TMEM200A: variants seen among roughly 807,000 people sequenced by gnomAD.
TMEM200A encodes the protein two transmembrane C.
Under a neutral mutation model 24.3 loss-of-function variants are expected in TMEM200A, and 12 were observed. The observed-to-expected ratio is 0.49, with a 90% CI of 0.32 to 0.80. The LOEUF is 0.80. Among genes scored for constraint, TMEM200A ranks in the 30% least tolerant of loss-of-function variants. The pLI is 0.04. For missense variants in TMEM200A, 545 were observed against 614.4 expected, an observed-to-expected ratio of 0.89 and a Z score of 1.19; for synonymous variants, 224 against 224.4, an observed-to-expected ratio of 1.00 and a Z score of 0.02.
At chr6:130,412,438 G>C (rs895049021) in intron 2 of TMEM200A, among the ~76,000 whole-genome samples, 2 of 152,056 alleles carry the variant, frequency 1.3e-5, no homozygotes, top group Non-Finnish European at 2.9e-5. Flanking sequence ...CCCACAGGGA[G>C]TCCCATCTCA....
chr6:130,421,767 G>A (rs1223763781), intron 2 of TMEM200A, among the ~76,000 whole-genome samples: 1 of 151,972 alleles, frequency 6.6e-6, no homozygotes, highest in Non-Finnish European at 1.5e-5. Flanking sequence ...TAGATTCCAT[G>A]TAAGTGAGAT....
At chr6:130,389,205 A>G (rs1778779769) in intron 2 of TMEM200A, among the ~76,000 whole-genome samples, 1 of 152,212 alleles carries the variant, frequency 6.6e-6, no homozygotes, top group African/African-American at 2.4e-5. Flanking sequence ...TTTAGTATTG[A>G]TAAAAATACT....
At chr6:130,388,952 T>C (rs929104576) in intron 2 of TMEM200A, among the ~76,000 whole-genome samples, 6 of 152,134 alleles carry the variant, frequency 3.9e-5, no homozygotes, top group African/African-American at 1.4e-4. Context: ...TTTTGAACAA[T>C]GATTTCTTGA....
intron 2 of TMEM200A, among the ~76,000 whole-genome samples, chr6:130,391,781 C>T (rs1398605045): frequency 9.6e-5 from 12 of 125,390 alleles, no homozygotes; most frequent in Non-Finnish European, 1.7e-4. Flanking sequence ...CTCGCTCTGT[C>T]GCCCAGGCTA....
At chr6:130,367,259 C>T (rs375037224) in intron 1 of TMEM200A, among the ~76,000 whole-genome samples, 20 of 152,302 alleles carry the variant, frequency 1.3e-4, no homozygotes, top group African/African-American at 3.8e-4. Flanking sequence ...GTCCGGTCCA[C>T]CTTAGTCTGG....
intron 2 of TMEM200A, chr6:130,438,828 G>T (rs1780085427): frequency 6.6e-6 from 1 of 152,236 alleles, no homozygotes; most frequent in Non-Finnish European, 1.5e-5. Flanking sequence ...ATAAAATGCT[G>T]TAAGGAGTTA....
At chr6:130,403,778 A>G (rs1376643695) in intron 2 of TMEM200A, among the ~76,000 whole-genome samples, 1 of 152,062 alleles carries the variant, frequency 6.6e-6, no homozygotes, top group Non-Finnish European at 1.5e-5. Flanking sequence ...CCCAGGTATT[A>G]AGTCTAGTAC....
At chr6:130,398,959 G>T (rs1440466322) in intron 2 of TMEM200A, among the ~76,000 whole-genome samples, 1 of 151,890 alleles carries the variant, frequency 6.6e-6, no homozygotes, top group South Asian at 2.1e-4. Context: ...TTATTTCATA[G>T]TAGTTATTTC....
chr6:130,398,069 A>G (rs569674616), intron 2 of TMEM200A, among the ~76,000 whole-genome samples: 89 of 152,048 alleles, frequency 5.9e-4, no homozygotes, highest in Non-Finnish European at 1.1e-3. Flanking sequence ...TGATTCTATC[A>G]CCCAGGTAGT....
intron 2 of TMEM200A, among the ~76,000 whole-genome samples, chr6:130,425,109 G>A (rs1373608265): frequency 6.6e-6 from 1 of 151,966 alleles, no homozygotes; most frequent in Non-Finnish European, 1.5e-5. Flanking sequence ...CTGCTTCTAG[G>A]CCCTCAGCCC....
Position 130,428,018 on chromosome 6 carries a change from G to A in TMEM200A, c.-16-12389G>A, listed in dbSNP as rs953853564. Among the ~76,000 whole-genome samples, 7 of 152,234 alleles carry A rather than the reference G, an allele frequency of 4.6e-5. 1 individual carries two copies. In the South Asian group the frequency reaches 6.2e-4, roughly 14 times the overall value. ...CTATCCTTGTAGAAAGTGGTAGGGT[G>A]TATGTATGGTGTTTTTACAAACATG... On this transcript the variant is annotated intron_variant, in intron 2 of 2. Coordinates refer to ENST00000296978, the MANE Select transcript of TMEM200A (RefSeq NM_001258277.2).
chr6:130,438,443 G>A (rs1175381519), intron 2 of TMEM200A: 3 of 152,170 alleles, frequency 2.0e-5, no homozygotes, highest in African/African-American at 7.2e-5. Context: ...ATTTGCCAAA[G>A]ACCTTGTGGA....
In TMEM200A at chr6:130,441,594, T is replaced by C. The variant is rs761659011; in HGVS notation, c.1172T>C (p.Leu391Pro). Residue 391 changes from leucine (L) to proline (P), a missense_variant, in exon 3 of 3, where the codon CTC (leucine) becomes CCC (proline). By Grantham distance (98) the Leu-to-Pro change is moderately conservative. Coordinates refer to ENST00000296978, the MANE Select transcript of TMEM200A (RefSeq NM_001258277.2). ...QFGSNTSLHLLSSHSKSLDLD... is the reference protein window; with the variant it reads ...QFGSNTSLHLPSSHSKSLDLD... ...GGGTCCAATACATCCTTGCATTTGC[T>C]CTCGTCACACTCAAAGTCCTTGGAC... 4.3e-6 allele frequency: 7 copies of C among 1,614,036 alleles called. No homozygotes were observed. In the South Asian group the frequency reaches 7.7e-5, roughly 18 times the overall value.
intron 2 of TMEM200A, among the ~76,000 whole-genome samples, chr6:130,420,248 A>G (rs968295191): frequency 6.6e-6 from 1 of 152,176 alleles, no homozygotes; most frequent in African/African-American, 2.4e-5. Flanking sequence ...ACCTACTTGT[A>G]TCAGTCAGAA....
intron 1 of TMEM200A, among the ~76,000 whole-genome samples, chr6:130,383,794 C>A (rs1351281523): frequency 1.3e-5 from 2 of 152,042 alleles, no homozygotes; most frequent in East Asian, 3.9e-4. Flanking sequence ...ACCCATAGAA[C>A]CTCGTAGGAA....
intron 1 of TMEM200A, among the ~76,000 whole-genome samples, chr6:130,380,054 G>A (rs377730828): frequency 6.6e-6 from 1 of 152,052 alleles, no homozygotes; most frequent in Non-Finnish European, 1.5e-5. Context: ...TGAATATTTG[G>A]GTTCAGTTTC....
intron 2 of TMEM200A, among the ~76,000 whole-genome samples, chr6:130,403,285 G>A (rs1779128733): frequency 6.6e-6 from 1 of 152,086 alleles, no homozygotes; most frequent in African/African-American, 2.4e-5. Flanking sequence ...GTAGATCACA[G>A]ATTTTCTTTT....
intron 1 of TMEM200A, chr6:130,383,124 G>A (rs1778639541): frequency 1.1e-6 from 1 of 897,876 alleles, no homozygotes; most frequent in Non-Finnish European, 1.3e-6. Flanking sequence ...GAATTAGGAC[G>A]GCACTCCATG....
At chr6:130,417,199 C>T (rs544576925) in intron 2 of TMEM200A, among the ~76,000 whole-genome samples, 2 of 152,184 alleles carry the variant, frequency 1.3e-5, no homozygotes, top group African/African-American at 4.8e-5. Context: ...GAGTGATTGA[C>T]ACATAGTAGA....
Sources: gnomAD v4.1 joint callset for allele counts (sites outside exome capture counted in the v4.1 genomes callset) on GRCh38, gnomAD v4.1.1 for gene constraint, MANE v1.5 for transcripts, NCBI Gene and HGNC (gene_info 2026-07-23, HGNC 2026-07-21) for gene names.